Variants in NOTCH1 observed in about 807,000 individuals in gnomAD.
NOTCH1 encodes notch receptor 1, also known as neurogenic locus notch homolog protein 1.
In NOTCH1, 37 loss-of-function variants were observed where a neutral mutation model predicts 254.8. The observed-to-expected ratio is 0.15, with a 90% CI of 0.11 to 0.19. NOTCH1 has a LOEUF of 0.19. Among genes scored for constraint, NOTCH1 ranks in the 10% least tolerant of loss-of-function variants. The pLI, the probability that NOTCH1 is intolerant of heterozygous loss-of-function variation, is 1.00. For missense variants in NOTCH1, 2,972 were observed against 3,708.6 expected, an observed-to-expected ratio of 0.80 and a Z score of 5.16; for synonymous variants, 1,731 against 1,618.1, an observed-to-expected ratio of 1.07 and a Z score of -1.68.
At position 136,514,716 on chromosome 9, in the gene NOTCH1, G is replaced by A. The variant is rs149013721; in HGVS notation, c.2015-14C>T. ...TACACATGCTCCCTAAGGGCAGGGC[G>A]GGTCAGACTCCGAGGCCCAGCGCCC... On this transcript the variant is annotated splice_polypyrimidine_tract_variant and intron_variant, in intron 12 of 33. Transcript: ENST00000651671. The A allele has an allele frequency of 5.6e-6, 9 of 1,610,672 alleles. No individual in the cohort carries two copies. The highest frequency in any genetic ancestry group is 4.0e-5 in the African/African-American group (3 of 74,988).
In NOTCH1 at chr9:136,496,965, C is replaced by G; in HGVS notation, c.6774G>C (p.Leu2258=). The G allele has an allele frequency of 1.2e-6, 2 of 1,610,772 alleles. No homozygotes were observed. Among genetic ancestry groups the G allele is most frequent in the South Asian group, 2.2e-5 (2 of 90,964 alleles). The change falls in exon 34 of 34, where the codon CTG becomes CTC. Residue 2258 remains leucine (L), a synonymous_variant. Transcript: ENST00000651671. The part of the protein sequence containing the change: ...NVAAKPEMAA[L]GGGGRLAFET... ...CAAAGGCCAGCCGGCCGCCCCCACC[C>G]AGCGCCGCCATCTCGGGCTTGGCCG... is the stretch of plus-strand genomic sequence containing the variant.
intron 26 of NOTCH1, among the ~76,000 whole-genome samples, chr9:136,504,299 A>T (rs1160492679): frequency 1.3e-5 from 2 of 152,210 alleles, no homozygotes; most frequent in African/African-American, 4.8e-5. Flanking sequence ...AGCCTCCCAA[A>T]GTGCTGGGAT....
At chr9:136,529,384 T>C (rs34253001) in intron 2 of NOTCH1, among the ~76,000 whole-genome samples, 29,051 of 152,098 alleles carry the variant, frequency 0.19, 3,181 homozygotes, top group African/African-American at 0.29. Context: ...CTCCCTTGGG[T>C]AGAGGCTAGA....
chr9:136,503,477 G>T, intron 26 of NOTCH1, 147 bp from the exon 27 acceptor site: 1 of 1,172,684 alleles, frequency 8.5e-7, no homozygotes, highest in Non-Finnish European at 1.2e-6. Flanking sequence ...AGCCAGGTCT[G>T]ACAGCAGCTA....
chr9:136,513,239 C>T lies in NOTCH1; in HGVS notation c.2354-105G>A, dbSNP rs570012950. The T allele has an allele frequency of 2.0e-4, 296 of 1,454,148 alleles. No individual in the cohort carries two copies. In the East Asian group the frequency reaches 5.8e-3, roughly 28 times the overall value. 90.1% of individuals were successfully genotyped at this position (1,454,148 alleles called of 1,614,324 possible). On this transcript the variant is annotated intron_variant, in intron 14 of 33. Coordinates refer to ENST00000651671, the MANE Select transcript of NOTCH1 (RefSeq NM_017617.5). This position sits in a 1 kb window ranked among gnomAD's most constrained non-coding sequence, Gnocchi z 4.7. ...CTGCTCCCCACCCCAGGCCCCTCCTCATCTCCAAGAGCCAGAGGCCTGGAG... is the reference window on the plus strand; with the variant it reads ...CTGCTCCCCACCCCAGGCCCCTCCTTATCTCCAAGAGCCAGAGGCCTGGAG...
Position 136,504,873 on chromosome 9 carries a change from G to A in NOTCH1, c.4818C>T (p.Phe1606=), listed in dbSNP as rs1481078139. 1.9e-6 allele frequency: 3 copies of A among 1,584,752 alleles called. No homozygotes were observed. Among genetic ancestry groups the A allele is most frequent in the Non-Finnish European group, 2.6e-6 (3 of 1,165,988 alleles). ...LSRVLHTNVV[F]KRDAHGQQMI... ...TCTGCTGGCCGTGTGCGTCACGCTT[G>A]AAGACCACGTTGGTGTGCAGCACGC... The change falls in exon 26 of 34, where the codon TTC becomes TTT. Residue 1606 remains phenylalanine, a synonymous_variant. Coordinates refer to ENST00000651671, the MANE Select transcript of NOTCH1 (RefSeq NM_017617.5).
chr9:136,521,278 C>T (rs1589070709), intron 4 of NOTCH1, among the ~76,000 whole-genome samples: 1 of 151,358 alleles, frequency 6.6e-6, no homozygotes, highest in Non-Finnish European at 1.5e-5. Flanking sequence ...GACGGGTGAC[C>T]CAGCCCCCAG....
At chr9:136,534,005 G>A (rs371301879) in intron 2 of NOTCH1, among the ~76,000 whole-genome samples, 1 of 152,224 alleles carries the variant, frequency 6.6e-6, no homozygotes. Flanking sequence ...ACGGGGAAGA[G>A]GGCAGGAAGC....
intron 2 of NOTCH1, among the ~76,000 whole-genome samples, chr9:136,539,197 T>C (rs1212092861): frequency 6.6e-6 from 1 of 152,156 alleles, no homozygotes. Context: ...CTCTCTCTTT[T>C]TCTATTATTA....
intron 24 of NOTCH1, 37 bp from the exon 25 acceptor site, chr9:136,505,918 G>GCCACCCC: frequency 6.6e-7 from 1 of 1,517,792 alleles, no homozygotes; most frequent in South Asian, 1.2e-5. Context: ...GTCGGGGTGG[G>GCCACCCC]CCACCCCCCG....
chr9:136,531,741 G>C (rs1843564048), intron 2 of NOTCH1, among the ~76,000 whole-genome samples: 1 of 152,214 alleles, frequency 6.6e-6, no homozygotes, highest in African/African-American at 2.4e-5. Context: ...TGGCATCCCG[G>C]GGGCAGACGC....
intron 15 of NOTCH1, among the ~76,000 whole-genome samples, chr9:136,511,780 G>A (rs1843185394): frequency 1.3e-5 from 2 of 152,256 alleles, no homozygotes; most frequent in African/African-American, 4.8e-5. Flanking sequence ...GGGCTGCGAT[G>A]GAGGGGACAG....
chr9:136,514,148 GC>G (rs2133359688), intron 13 of NOTCH1, among the ~76,000 whole-genome samples: 1 of 152,258 alleles, frequency 6.6e-6, no homozygotes, highest in South Asian at 2.1e-4. Flanking sequence ...CCAAATGAGG[GC>G]AATGGGGTCC....
chr9:136,516,037 T>A lies in NOTCH1; in HGVS notation c.1613A>T (p.Lys538Met), dbSNP rs756479454. ...DVDECASTPCKNGAKCLDGPN... is the reference protein window; with the variant it reads ...DVDECASTPCMNGAKCLDGPN... ...TCCGTCCAGGCACTTGGCACCATTC[T>A]TGCAGGGGGTGCTGGCACACTCGTC... The change falls in exon 10 of 34, where the codon AAG becomes ATG. Residue 538 changes from lysine (K) to methionine (M), a missense_variant. By Grantham distance (95) the Lys-to-Met change is moderately conservative. Around this residue, in one of 8 missense-constraint regions of NOTCH1, gnomAD observed 128 missense variants for 193.8 expected, o/e 0.66. Coordinates refer to ENST00000651671, the MANE Select transcript of NOTCH1 (RefSeq NM_017617.5). 3 of 1,612,336 alleles carry A rather than the reference T, an allele frequency of 1.9e-6. No individual in the cohort carries two copies. Among genetic ancestry groups the A allele is most frequent in the Non-Finnish European group, 2.5e-6 (3 of 1,179,918 alleles).
chr9:136,538,619 C>T (rs1255633548), intron 2 of NOTCH1, among the ~76,000 whole-genome samples: 1 of 152,242 alleles, frequency 6.6e-6, no homozygotes, highest in Non-Finnish European at 1.5e-5. Context: ...ATTTCCTCCT[C>T]AGCCCGGGGA....
rs569343314 is a variant in NOTCH1 at position 136,531,328 on chromosome 9, G to A, written c.141-7349C>T. Among the ~76,000 whole-genome samples the A allele has an allele frequency of 4.6e-5, 7 of 152,360 alleles. No individual in the cohort carries two copies. The East Asian group carries it at 1.2e-3, about 25-fold the overall frequency. On this transcript the variant is annotated intron_variant, in intron 2 of 33. Coordinates refer to ENST00000651671, the MANE Select transcript of NOTCH1 (RefSeq NM_017617.5). ...AGCACACCACCCGGATCTGAAGGCA[G>A]CTCAGAACCACACCTGCTGATGGGG... is the stretch of plus-strand genomic sequence containing the variant.
chr9:136,536,459 C>G (rs1423967247), intron 2 of NOTCH1, among the ~76,000 whole-genome samples: 3 of 152,172 alleles, frequency 2.0e-5, no homozygotes, highest in Admixed American at 1.3e-4. Flanking sequence ...GAGCCAATCA[C>G]ACAGAGCTCT....
chr9:136,497,121 G>A lies in NOTCH1; in HGVS notation c.6618C>T (p.Pro2206=), dbSNP rs762678452. The A allele has an allele frequency of 3.1e-6, 5 of 1,612,206 alleles. No homozygotes were observed. In the South Asian group the frequency reaches 5.5e-5, roughly 18 times the overall value. The change falls in exon 34 of 34, where the codon CCC becomes CCT. Residue 2206 remains proline, a synonymous_variant. Coordinates refer to ENST00000651671, the MANE Select transcript of NOTCH1 (RefSeq NM_017617.5). The part of the protein sequence containing the change: ...MLSPVDSLES[P]HGYLSDVASP... ...AGGCCACGTCTGACAGGTAGCCATGGGGTGACTCCAGGGAGTCCACGGGCG... is the reference window on the plus strand; with the variant it reads ...AGGCCACGTCTGACAGGTAGCCATGAGGTGACTCCAGGGAGTCCACGGGCG...
At chr9:136,542,604 C>T (rs73567933) in intron 2 of NOTCH1, among the ~76,000 whole-genome samples, 10,421 of 133,616 alleles carry the variant, frequency 0.078, 803 homozygotes, top group African/African-American at 0.21. Context: ...AAGACACAAT[C>T]GGCTTTGTCC....
Sources: gnomAD v4.1 joint callset for allele counts (sites outside exome capture counted in the v4.1 genomes callset) on GRCh38, gnomAD v4.1.1 for gene constraint, gnomAD v4.1.1 regional missense constraint, Gnocchi (gnomAD v3.1) non-coding constraint, MANE v1.5 for transcripts, NCBI Gene and HGNC (gene_info 2026-07-23, HGNC 2026-07-21) for gene names.